Variants in GRAP2 observed in about 807,000 individuals in gnomAD.
GRAP2 encodes GRB2 related adaptor protein 2.
A neutral mutation model predicts 43.5 loss-of-function variants in GRAP2; 31 were observed. The ratio of observed to expected loss-of-function variants is 0.71; its 90% CI spans 0.54 to 0.96. The LOEUF (loss-of-function observed/expected upper bound fraction) is 0.96, where lower values mean the gene tolerates loss of function less well. Among genes scored for constraint, GRAP2 ranks in the 40% least tolerant of loss-of-function variants. GRAP2 has a pLI of 0.00. For synonymous variants in GRAP2, 156 were observed against 164.8 expected (o/e 0.95, Z 0.41); for missense variants, 371 against 424.4 (o/e 0.87, Z 1.11).
upstream of GRAP2, among the ~76,000 whole-genome samples, chr22:39,898,800 G>A (rs1424714186): frequency 1.3e-5 from 2 of 152,094 alleles, no homozygotes; most frequent in African/African-American, 2.4e-5. Flanking sequence ...GCAACCGAGC[G>A]AGACTCAGTC....
intron 1 of GRAP2, among the ~76,000 whole-genome samples, chr22:39,934,490 A>G (rs2066786880): frequency 6.6e-6 from 1 of 152,268 alleles, no homozygotes; most frequent in African/African-American, 2.4e-5. Context: ...GTTGAAAGAT[A>G]TAACCAGAGG....
chr22:39,935,108 G>A (rs1478651061), intron 1 of GRAP2, among the ~76,000 whole-genome samples: 1 of 152,190 alleles, frequency 6.6e-6, no homozygotes, highest in Non-Finnish European at 1.5e-5. Context: ...GTCACATGAA[G>A]GGTGGTCAAG....
intron 1 of GRAP2, among the ~76,000 whole-genome samples, chr22:39,926,258 G>A (rs773833733): frequency 5.3e-5 from 8 of 151,992 alleles, no homozygotes; most frequent in African/African-American, 1.2e-4. Flanking sequence ...TTGAATTGGC[G>A]CTGTGTAGTT....
chr22:39,959,422 G>A (rs946947182), intron 3 of GRAP2, among the ~76,000 whole-genome samples: 2 of 152,218 alleles, frequency 1.3e-5, no homozygotes, highest in African/African-American at 4.8e-5. Flanking sequence ...TCTGGCGGCT[G>A]CCAGCCTCGC....
intron 1 of GRAP2, among the ~76,000 whole-genome samples, chr22:39,924,831 A>G (rs2066683830): frequency 1.3e-5 from 2 of 152,236 alleles, no homozygotes; most frequent in Admixed American, 1.3e-4. Context: ...GGGGCTTACA[A>G]GGTAGCTGGA....
intron 1 of GRAP2, among the ~76,000 whole-genome samples, chr22:39,926,117 T>TA (rs1316930014): frequency 6.6e-6 from 1 of 152,254 alleles, no homozygotes; most frequent in Non-Finnish European, 1.5e-5. Context: ...CATCATTGAA[T>TA]ACTCAGCATC....
chr22:39,933,400 G>A (rs1282312524), intron 1 of GRAP2, among the ~76,000 whole-genome samples: 1 of 152,200 alleles, frequency 6.6e-6, no homozygotes, highest in Non-Finnish European at 1.5e-5. Context: ...CATGGTGCAG[G>A]TGATTTTCTA....
chr22:39,928,509 G>A (rs145869256), intron 1 of GRAP2, among the ~76,000 whole-genome samples: 2 of 152,166 alleles, frequency 1.3e-5, no homozygotes, highest in Non-Finnish European at 2.9e-5. Context: ...GAGTCTGTTT[G>A]TTTAGTAAGC....
chr22:39,936,402 G>A (rs895981805), intron 1 of GRAP2, among the ~76,000 whole-genome samples: 1 of 152,330 alleles, frequency 6.6e-6, no homozygotes, highest in East Asian at 1.9e-4. Context: ...TAGCAGCAGA[G>A]TGAGGCTCGA....
At chr22:39,897,616 T>C (rs2066471264), upstream of GRAP2, among the ~76,000 whole-genome samples, 2 of 148,068 alleles carry the variant, frequency 1.4e-5, no homozygotes, top group South Asian at 4.3e-4. Context: ...GCCTCCCGGG[T>C]TCAAGCGATT....
In GRAP2 at chr22:39,970,955, C is replaced by A. The variant is rs751156654; in HGVS notation, c.864C>A (p.Asp288Glu). 6.2e-7 allele frequency: 1 copy of A among 1,613,342 alleles called. No individual in the cohort carries two copies. Among genetic ancestry groups the A allele is most frequent in the Non-Finnish European group, 8.5e-7 (1 of 1,179,768 alleles). ...ATGACTTTGAGGCCCTGGAGGATGACGAGCTGGGGTTCCACAGCGGGGAGG... is the reference window on the plus strand; with the variant it reads ...ATGACTTTGAGGCCCTGGAGGATGAAGAGCTGGGGTTCCACAGCGGGGAGG... ...ALYDFEALEDDELGFHSGEVV... is the reference protein window; with the variant it reads ...ALYDFEALEDEELGFHSGEVV... Residue 288 changes from aspartate to glutamate, a missense_variant, in exon 8 of 8, where the codon GAC (aspartate) becomes GAA (glutamate). Physicochemically the swap from Asp to Glu is conservative, Grantham distance 45. Coordinates refer to ENST00000344138, the MANE Select transcript of GRAP2 (RefSeq NM_004810.4).
At chr22:39,938,760 G>A (rs1406546936) in intron 1 of GRAP2, among the ~76,000 whole-genome samples, 4 of 152,226 alleles carry the variant, frequency 2.6e-5, no homozygotes, top group African/African-American at 7.2e-5. Flanking sequence ...CAGAAAAAGC[G>A]AAGCAGCCAG....
intron 1 of GRAP2, among the ~76,000 whole-genome samples, chr22:39,934,074 A>G (rs1038843859): frequency 1.3e-5 from 2 of 152,180 alleles, no homozygotes; most frequent in Non-Finnish European, 2.9e-5. Context: ...TCCACTTGGC[A>G]TCTCCCCAAA....
At chr22:39,904,904 C>G (rs7288288) in intron 1 of GRAP2, among the ~76,000 whole-genome samples, 4,973 of 152,188 alleles carry the variant, frequency 0.033, 292 homozygotes, top group African/African-American at 0.11. Context: ...GTTCCTCTAC[C>G]CACTTTATTT....
intron 1 of GRAP2, among the ~76,000 whole-genome samples, chr22:39,914,725 A>G (rs1247262523): frequency 6.6e-6 from 1 of 152,178 alleles, no homozygotes; most frequent in Non-Finnish European, 1.5e-5. Context: ...TCTATAAAGT[A>G]GTCGCAAAAG....
chr22:39,951,259 C>A (rs2066979195), intron 2 of GRAP2, among the ~76,000 whole-genome samples: 1 of 152,190 alleles, frequency 6.6e-6, no homozygotes, highest in Admixed American at 6.5e-5. Context: ...CACAAACCAC[C>A]ATACCTGCAG....
At chr22:39,966,691 GA>G (rs1421956366) in intron 5 of GRAP2, among the ~76,000 whole-genome samples, 1 of 152,124 alleles carries the variant, frequency 6.6e-6, no homozygotes, top group Admixed American at 6.5e-5. Flanking sequence ...ACTGCACTTG[GA>G]ATTATTGCTG....
chr22:39,900,624 C>T (rs1362423665), upstream of GRAP2, among the ~76,000 whole-genome samples: 1 of 152,188 alleles, frequency 6.6e-6, no homozygotes, highest in Non-Finnish European at 1.5e-5. Context: ...ACTGGTTCCA[C>T]CTCATGCTGG....
chr22:39,967,315 A>G (rs1423195890), intron 5 of GRAP2, among the ~76,000 whole-genome samples: 3 of 152,236 alleles, frequency 2.0e-5, no homozygotes. Flanking sequence ...TCTAACCAGG[A>G]AACGGACAGA....
Sources: gnomAD v4.1 joint callset for allele counts (sites outside exome capture counted in the v4.1 genomes callset) on GRCh38, gnomAD v4.1.1 for gene constraint, MANE v1.5 for transcripts, NCBI Gene and HGNC (gene_info 2026-07-23, HGNC 2026-07-21) for gene names.